YWHAE: variants seen among roughly 807,000 people sequenced by gnomAD.
The protein encoded by YWHAE is tyrosine 3-monooxygenase/tryptophan 5-monooxygenase activation protein epsilon, also known as 14-3-3 protein epsilon.
A neutral mutation model predicts 30.1 loss-of-function variants in YWHAE; 4 were observed. That is an observed-to-expected ratio of 0.13 (90% CI 0.07 to 0.30). YWHAE has a LOEUF of 0.30. YWHAE is among the 10% of genes least tolerant of loss of function. The probability of loss-of-function intolerance (pLI) is 1.00; values close to 1 mark genes in which losing one functional copy is unlikely to be tolerated. For synonymous variants in YWHAE, 118 were observed against 111.8 expected (o/e 1.06, Z -0.35); for missense variants, 121 against 315.9 (o/e 0.38, Z 4.68).
rs1318100073 is a variant in YWHAE at position 1,388,104 on chromosome 17, TTTTTTTTTGGTTG to T, written c.64+11930_64+11942del. ...CCACCACGCCTGGGTAATTTTTGTT[TTTTTTTTTGGTTG>T]GTTTTTTTTTTTTTTTTTTTTTTTT... On this transcript the variant is annotated intron_variant, in intron 1 of 5. Transcript: ENST00000264335. Among the ~76,000 whole-genome samples the T allele has an allele frequency of 7.8e-3, 367 of 46,808 alleles. 4 individuals are homozygous for T. The highest frequency in any genetic ancestry group is 0.011 in the Non-Finnish European group (323 of 28,834). 30.7% of individuals were successfully genotyped at this position (46,808 alleles called of 152,430 possible).
chr17:1,361,883 C>A lies in YWHAE; in HGVS notation c.371+19G>T. The A allele has an allele frequency of 6.5e-6, 10 of 1,527,416 alleles. No homozygotes were observed. Among genetic ancestry groups the A allele is most frequent in the Non-Finnish European group, 8.9e-6 (10 of 1,128,876 alleles). The allele number at this position is 1,527,416 out of a possible 1,614,324, so 94.6% of individuals were successfully genotyped here. ...ACCAACTTTCAATCTTACATTTTCC[C>A]TTCTAGTATAGAACCTACATTTTAT... On this transcript the variant is annotated intron_variant, in intron 3 of 5. Transcript: ENST00000264335.
At chr17:1,398,708 G>C (rs1248687500) in intron 1 of YWHAE, 3 of 152,162 alleles carry the variant, frequency 2.0e-5, no homozygotes, top group Non-Finnish European at 4.4e-5. Context: ...TTATAAATGT[G>C]TGGGTATTTC....
At chr17:1,352,722 T>G (rs2072655938) in intron 5 of YWHAE, among the ~76,000 whole-genome samples, 1 of 152,102 alleles carries the variant, frequency 6.6e-6, no homozygotes, top group African/African-American at 2.4e-5. Flanking sequence ...GGACGGGGTT[T>G]CCCCGTGTTA....
intron 4 of YWHAE, among the ~76,000 whole-genome samples, chr17:1,360,628 T>C (rs1393834027): frequency 6.6e-6 from 1 of 152,040 alleles, no homozygotes; most frequent in African/African-American, 2.4e-5. Flanking sequence ...TAGTTGGGCA[T>C]GGTGGCAGGC....
At chr17:1,381,626 C>T (rs1386093691) in intron 1 of YWHAE, among the ~76,000 whole-genome samples, 1 of 151,802 alleles carries the variant, frequency 6.6e-6, no homozygotes, top group Non-Finnish European at 1.5e-5. Context: ...CATAAATGCA[C>T]TGAGGAAGGC....
Position 1,366,941 on chromosome 17 carries a change from C to CA in YWHAE, c.65-1884dup, listed in dbSNP as rs1047736343. Among the ~76,000 whole-genome samples the CA allele has an allele frequency of 1.7e-3, 259 of 148,028 alleles. 1 individual carries two copies. The highest frequency in any genetic ancestry group is 3.0e-3 in the Non-Finnish European group (203 of 66,974). ...TGGGTGACAGAGTGAGACTCCGTTTCAAAAAAAAACACAAAACAAAAACCA... is the reference window on the plus strand; with the variant it reads ...TGGGTGACAGAGTGAGACTCCGTTTCAAAAAAAAAACACAAAACAAAAACCA... On this transcript the variant is annotated intron_variant, in intron 1 of 5. Transcript: ENST00000264335.
At chr17:1,399,742 T>TCCC in intron 1 of YWHAE, 2 of 307,866 alleles carry the variant, frequency 6.5e-6, no homozygotes, top group South Asian at 2.6e-5. Flanking sequence ...CGCCATCTCC[T>TCCC]CCCCCTCCCC....
intron 1 of YWHAE, among the ~76,000 whole-genome samples, chr17:1,365,731 C>A (rs149650240): frequency 6.6e-6 from 1 of 152,174 alleles, no homozygotes; most frequent in Non-Finnish European, 1.5e-5. Flanking sequence ...TGAATAAATA[C>A]ATTAATAAAA....
intron 5 of YWHAE, among the ~76,000 whole-genome samples, chr17:1,347,107 C>G (rs1163843912): frequency 6.9e-6 from 1 of 145,718 alleles, no homozygotes; most frequent in Non-Finnish European, 1.5e-5. Context: ...AGAGGTGGAT[C>G]ATGAGGTCAG....
intron 1 of YWHAE, among the ~76,000 whole-genome samples, chr17:1,392,200 G>C (rs1305246531): frequency 1.3e-5 from 2 of 151,796 alleles, no homozygotes; most frequent in Admixed American, 6.6e-5. Context: ...AAAAGAAAAA[G>C]AAAAAGAAAA....
At chr17:1,369,702 G>A (rs1298821602) in intron 1 of YWHAE, 1 of 151,932 alleles carries the variant, frequency 6.6e-6, no homozygotes, top group Admixed American at 6.6e-5. Flanking sequence ...TTCAGGTGCG[G>A]GCATACCTTG....
chr17:1,359,192 CA>C (rs977824673), intron 4 of YWHAE, among the ~76,000 whole-genome samples: 1 of 151,884 alleles, frequency 6.6e-6, no homozygotes, highest in African/African-American at 2.4e-5. Context: ...TGGTGGCATC[CA>C]CCTCTAGTGA....
chr17:1,362,668 G>GCT (rs2072882397), intron 2 of YWHAE, among the ~76,000 whole-genome samples: 1 of 151,996 alleles, frequency 6.6e-6, no homozygotes, highest in South Asian at 2.1e-4. Flanking sequence ...TCCTCAGCTT[G>GCT]CTTCCTGTTT....
intron 5 of YWHAE, chr17:1,347,963 AAGTAG>A (rs1440588435): frequency 4.7e-6 from 4 of 850,554 alleles, no homozygotes; most frequent in South Asian, 5.4e-5. Flanking sequence ...GTGACTTACA[AAGTAG>A]AGTTTTTAGG....
At chr17:1,399,895 C>G in intron 1 of YWHAE, 152 bp downstream of exon 1, 2 of 891,350 alleles carry the variant, frequency 2.2e-6, no homozygotes, top group Non-Finnish European at 3.6e-6. Context: ...TCCCATCGCC[C>G]CGGGAGCTCC....
At chr17:1,381,746 T>C (rs1390281456) in intron 1 of YWHAE, among the ~76,000 whole-genome samples, 1 of 150,666 alleles carries the variant, frequency 6.6e-6, no homozygotes, top group African/African-American at 2.4e-5. Flanking sequence ...CGAAACCCTG[T>C]CTCTACAAAA....
chr17:1,397,707 C>T (rs2073495710), intron 1 of YWHAE, among the ~76,000 whole-genome samples: 1 of 152,060 alleles, frequency 6.6e-6, no homozygotes, highest in Non-Finnish European at 1.5e-5. Context: ...GAAAACTTTG[C>T]CACCAGAAAC....
At chr17:1,384,300 C>T (rs1422559952) in intron 1 of YWHAE, among the ~76,000 whole-genome samples, 2 of 150,060 alleles carry the variant, frequency 1.3e-5, no homozygotes, top group Non-Finnish European at 3.0e-5. Flanking sequence ...TGCTTGAGCC[C>T]AGGAGGTGAG....
intron 5 of YWHAE, among the ~76,000 whole-genome samples, chr17:1,353,446 AAAAAGAAAAG>A (rs200337928): frequency 3.4e-4 from 48 of 140,778 alleles, no homozygotes; most frequent in South Asian, 6.8e-4. Flanking sequence ...TCAAAAAAAA[AAAAAGAAAAG>A]AAAAGAAAAG....
Sources: allele counts gnomAD v4.1 joint callset (sites outside exome capture counted in the v4.1 genomes callset), GRCh38; gene constraint gnomAD v4.1.1; transcripts MANE v1.5; gene names NCBI Gene and HGNC (gene_info 2026-07-23, HGNC 2026-07-21).